Variants in LYAR observed in about 807,000 individuals in gnomAD.
LYAR encodes the protein Ly1 antibody reactive, also known as cell growth-regulating nucleolar protein.
A neutral mutation model predicts 45.2 loss-of-function variants in LYAR; 37 were observed. That is an observed-to-expected ratio of 0.82 (90% confidence interval 0.63 to 1.08). LYAR has a LOEUF of 1.08. Ranked by LOEUF, LYAR falls within the 50% of genes least tolerant of loss-of-function variation. LYAR has a pLI of 0.00. For synonymous variants in LYAR, 176 were observed against 155.1 expected, an observed-to-expected ratio of 1.14 and a Z score of -1.00; for missense variants, 493 against 451.0, an observed-to-expected ratio of 1.09 and a Z score of -0.84.
rs1421340820 is a variant in LYAR at position 4,290,142 on chromosome 4, A to C, written c.-214T>G. On this transcript the variant is annotated 5_prime_UTR_variant, in exon 1 of 10. Coordinates refer to ENST00000343470, the MANE Select transcript of LYAR (RefSeq NM_017816.3). Reference sequence around the variant, plus strand: ...ACCTGCCTCTCAGGCTTCGCGGTGCAGAATTCGCTTCTGAACCACCCAGCG... The same window carrying C: ...ACCTGCCTCTCAGGCTTCGCGGTGCCGAATTCGCTTCTGAACCACCCAGCG... The C allele has an allele frequency of 6.6e-6, 1 of 152,244 alleles. No homozygotes were observed. Among genetic ancestry groups the C allele is most frequent in the Admixed American group, 6.5e-5 (1 of 15,286 alleles). The allele number at this position is 152,244 out of a possible 1,614,324, so 9.4% of individuals were successfully genotyped here. A position where few individuals can be genotyped will look rare whatever the true frequency, so the allele number is the denominator to read the frequency against.
intron 4 of LYAR, among the ~76,000 whole-genome samples, chr4:4,280,949 C>T (rs574775529): frequency 9.2e-5 from 14 of 152,336 alleles, no homozygotes; most frequent in Non-Finnish European, 1.6e-4. Flanking sequence ...CCTCCTGCTA[C>T]CTATTCTGTA....
At chr4:4,289,206 A>T (rs374389852) in intron 1 of LYAR, among the ~76,000 whole-genome samples, 23 of 152,182 alleles carry the variant, frequency 1.5e-4, no homozygotes, top group African/African-American at 4.6e-4. Context: ...CACTAAACAG[A>T]TGAGCAAACT....
intron 3 of LYAR, among the ~76,000 whole-genome samples, chr4:4,282,123 C>G (rs1337992178): frequency 2.0e-5 from 3 of 152,170 alleles, no homozygotes; most frequent in Non-Finnish European, 2.9e-5. Flanking sequence ...AACTTTTCCC[C>G]CATTTTTATA....
chr4:4,281,352 T>C (rs1468356869), intron 4 of LYAR, among the ~76,000 whole-genome samples: 2 of 152,118 alleles, frequency 1.3e-5, no homozygotes, highest in African/African-American at 2.4e-5. Context: ...TCTTTTTTTT[T>C]GAGACGGAGT....
intron 1 of LYAR, among the ~76,000 whole-genome samples, chr4:4,289,042 G>C (rs1302930257): frequency 6.6e-6 from 1 of 152,190 alleles, no homozygotes. Flanking sequence ...CATGGGTATG[G>C]TGCAAGAGAA....
At chr4:4,278,066 C>T (rs111488037) in intron 6 of LYAR, among the ~76,000 whole-genome samples, 1,753 of 152,316 alleles carry the variant, frequency 0.012, 30 homozygotes, top group African/African-American at 0.04. Flanking sequence ...TAAAACCCTG[C>T]AGTTGAAGCA....
intron 8 of LYAR, among the ~76,000 whole-genome samples, chr4:4,269,649 G>T (rs955909617): frequency 6.6e-6 from 1 of 152,144 alleles, no homozygotes; most frequent in Non-Finnish European, 1.5e-5. Flanking sequence ...CAACAAGGCC[G>T]TGCCCCTCCA....
chr4:4,280,442 G>T (rs1038878477), intron 4 of LYAR, among the ~76,000 whole-genome samples: 1 of 152,086 alleles, frequency 6.6e-6, no homozygotes. Flanking sequence ...AACTCACAGG[G>T]AATCTCAAAA....
intron 8 of LYAR, among the ~76,000 whole-genome samples, chr4:4,272,947 A>G (rs1451508583): frequency 6.6e-6 from 1 of 152,164 alleles, no homozygotes; most frequent in Non-Finnish European, 1.5e-5. Context: ...CTGAAGAAGC[A>G]GGAGAGAAGC....
intron 8 of LYAR, among the ~76,000 whole-genome samples, chr4:4,272,075 G>A (rs962630455): frequency 1.3e-5 from 2 of 152,098 alleles, no homozygotes; most frequent in African/African-American, 4.8e-5. Flanking sequence ...TAAGGAGGGG[G>A]TGGGGGTGAG....
intron 8 of LYAR, among the ~76,000 whole-genome samples, chr4:4,272,985 G>A (rs1312474870): frequency 6.6e-6 from 1 of 152,128 alleles, no homozygotes; most frequent in African/African-American, 2.4e-5. Flanking sequence ...ATTTCAGAGG[G>A]CCCGTGAAGG....
At chr4:4,269,606 T>C (rs888728993) in intron 8 of LYAR, among the ~76,000 whole-genome samples, 4 of 151,660 alleles carry the variant, frequency 2.6e-5, no homozygotes, top group African/African-American at 4.8e-5. Context: ...GGAGGCTGAG[T>C]AGAGAGCCTG....
At chr4:4,271,268 C>T (rs941739145) in intron 8 of LYAR, among the ~76,000 whole-genome samples, 4 of 152,286 alleles carry the variant, frequency 2.6e-5, no homozygotes, top group Admixed American at 1.3e-4. Context: ...ACATGCTATG[C>T]TTGTCTTCCT....
chr4:4,283,164 C>T (rs114994516), intron 3 of LYAR, among the ~76,000 whole-genome samples: 8 of 152,156 alleles, frequency 5.3e-5, no homozygotes, highest in Non-Finnish European at 1.2e-4. Flanking sequence ...TTTCTCCCCC[C>T]CAAGAAGGGG....
chr4:4,283,035 T>C (rs931349498), intron 3 of LYAR, among the ~76,000 whole-genome samples: 4 of 152,202 alleles, frequency 2.6e-5, no homozygotes, highest in East Asian at 1.9e-4. Flanking sequence ...CTGTAAACAG[T>C]GGCAATGCAA....
rs534496606 is a variant in LYAR at position 4,270,946 on chromosome 4, C to T, written c.920-2331G>A. ...CGTGAGATATTTTGATACAGACATGCAATGTATGATACTTACATCAGAGTA... is the reference window on the plus strand; with the variant it reads ...CGTGAGATATTTTGATACAGACATGTAATGTATGATACTTACATCAGAGTA... On this transcript the variant is annotated intron_variant, in intron 8 of 9. Coordinates refer to ENST00000343470, the MANE Select transcript of LYAR (RefSeq NM_017816.3). Among the ~76,000 whole-genome samples the T allele has an allele frequency of 2.6e-5, 4 of 152,276 alleles. No individual in the cohort carries two copies. In the South Asian group the frequency reaches 8.3e-4, roughly 32 times the overall value.
chr4:4,287,348 G>A (rs1719657310), intron 1 of LYAR, among the ~76,000 whole-genome samples: 2 of 152,196 alleles, frequency 1.3e-5, no homozygotes, highest in African/African-American at 4.8e-5. Flanking sequence ...CCTGAATGCT[G>A]ACACTATCCT....
chr4:4,271,058 A>C lies in LYAR; in HGVS notation c.920-2443T>G, dbSNP rs564406750. Reference sequence around the variant, plus strand: ...CTAGTTATTTTAAAATGTACAATTAAATTATTATTGACTACAGCCACCCTG... The same window carrying C: ...CTAGTTATTTTAAAATGTACAATTACATTATTATTGACTACAGCCACCCTG... On this transcript the variant is annotated intron_variant, in intron 8 of 9. Transcript: ENST00000343470. 5.3e-5 allele frequency among the ~76,000 whole-genome samples: 8 copies of C among 152,114 alleles called. No individual in the cohort carries two copies. In the South Asian group the frequency reaches 1.7e-3, roughly 32 times the overall value.
chr4:4,273,752 A>C, intron 7 of LYAR, 83 bp from the exon 8 acceptor site: 4 of 760,664 alleles, frequency 5.3e-6, no homozygotes, highest in Non-Finnish European at 9.0e-6. Flanking sequence ...TATGCGAGCT[A>C]GGCAAACTCC....
Sources: gnomAD v4.1 joint callset for allele counts (sites outside exome capture counted in the v4.1 genomes callset) on GRCh38, gnomAD v4.1.1 for gene constraint, MANE v1.5 for transcripts, NCBI Gene and HGNC (gene_info 2026-07-23, HGNC 2026-07-21) for gene names.